The following NALCN variants were observed in gnomAD, a reference collection of about 807,000 sequenced individuals.
The protein encoded by NALCN is sodium leak channel NALCN.
NALCN carries 111 observed loss-of-function variants against 225.3 expected under a neutral mutation model. That is an observed-to-expected ratio of 0.49 (90% CI 0.42 to 0.58). The LOEUF (loss-of-function observed/expected upper bound fraction) is 0.58, where lower values mean the gene tolerates loss of function less well. Ranked by LOEUF, NALCN falls within the 20% of genes least tolerant of loss-of-function variation. NALCN has a pLI of 0.00. For missense variants in NALCN, 1,378 were observed against 2,202.4 expected (o/e 0.63, Z 7.49); for synonymous variants, 764 against 769.0 (o/e 0.99, Z 0.11).
intron 6 of NALCN, among the ~76,000 whole-genome samples, chr13:101,376,352 T>C (rs2046688679): frequency 6.6e-6 from 1 of 151,868 alleles, no homozygotes; most frequent in Admixed American, 6.6e-5. Context: ...TCTTTAAAAA[T>C]TGGACAAAAC....
intron 15 of NALCN, among the ~76,000 whole-genome samples, chr13:101,163,886 G>C (rs147030471): frequency 6.6e-6 from 1 of 152,288 alleles, no homozygotes; most frequent in African/African-American, 2.4e-5. Flanking sequence ...GAGGTTCTGA[G>C]GGGGGTCTAC....
At chr13:101,281,983 T>A (rs1041514147) in intron 10 of NALCN, among the ~76,000 whole-genome samples, 2 of 152,124 alleles carry the variant, frequency 1.3e-5, no homozygotes, top group Non-Finnish European at 2.9e-5. Context: ...GTTACAATGG[T>A]CACCATCAAA....
At chr13:101,409,863 C>T (rs1247427516) in intron 1 of NALCN, among the ~76,000 whole-genome samples, 1 of 152,160 alleles carries the variant, frequency 6.6e-6, no homozygotes, top group East Asian at 1.9e-4. Flanking sequence ...ACATTCTCAA[C>T]ACTATAAACC....
intron 3 of NALCN, among the ~76,000 whole-genome samples, chr13:101,379,502 G>T (rs2046786382): frequency 6.6e-6 from 1 of 152,138 alleles, no homozygotes; most frequent in South Asian, 2.1e-4. Flanking sequence ...TAAAGAAAAT[G>T]TGGCCCAATA....
intron 1 of NALCN, among the ~76,000 whole-genome samples, chr13:101,410,591 G>T (rs1594798079): frequency 6.6e-6 from 1 of 152,084 alleles, no homozygotes; most frequent in East Asian, 1.9e-4. Flanking sequence ...GTTTTTGTTG[G>T]GGTTTCTGTT....
chr13:101,183,006 C>A (rs1429822229), intron 14 of NALCN, among the ~76,000 whole-genome samples: 1 of 152,204 alleles, frequency 6.6e-6, no homozygotes, highest in Non-Finnish European at 1.5e-5. Flanking sequence ...AAGAGCAGGT[C>A]GACCTGGGTG....
At chr13:101,332,372 T>TA (rs370373333) in intron 7 of NALCN, among the ~76,000 whole-genome samples, 20 of 17,380 alleles carry the variant, frequency 1.2e-3, no homozygotes, top group Admixed American at 3.9e-3. Context: ...AAAACGATGT[T>TA]AAAAAAAACC....
chr13:101,360,424 G>A (rs1400924064), intron 6 of NALCN, among the ~76,000 whole-genome samples: 1 of 151,946 alleles, frequency 6.6e-6, no homozygotes, highest in Admixed American at 6.6e-5. Context: ...GTAGAGATGG[G>A]GTTCCACCAT....
chr13:101,319,735 A>G (rs1026171557), intron 7 of NALCN, among the ~76,000 whole-genome samples: 1 of 152,204 alleles, frequency 6.6e-6, no homozygotes, highest in Non-Finnish European at 1.5e-5. Context: ...ATTTTCTTAT[A>G]TATGTATAAT....
intron 7 of NALCN, among the ~76,000 whole-genome samples, chr13:101,309,071 T>A (rs1035647172): frequency 3.9e-5 from 6 of 152,222 alleles, no homozygotes; most frequent in African/African-American, 1.4e-4. Context: ...GTTTCATGAC[T>A]AATGGTATGA....
At chr13:101,333,106 A>T (rs183880438) in intron 7 of NALCN, among the ~76,000 whole-genome samples, 1 of 152,354 alleles carries the variant, frequency 6.6e-6, no homozygotes, top group East Asian at 1.9e-4. Flanking sequence ...AGTACATCTC[A>T]TTCTTCTGCT....
intron 17 of NALCN, among the ~76,000 whole-genome samples, chr13:101,127,355 C>CTTTTG (rs766844926): frequency 1.3e-5 from 2 of 152,004 alleles, no homozygotes; most frequent in Admixed American, 1.3e-4. Flanking sequence ...TTGGGATGTT[C>CTTTTG]TTTTGTTTTG....
rs145080998 is a variant in NALCN, at chr13:101,288,461, G to A, written c.1047+3529C>T. 2.4e-4 allele frequency among the ~76,000 whole-genome samples: 36 copies of A among 152,190 alleles called. 1 individual carries two copies. The East Asian group carries it at 6.8e-3, about 29-fold the overall frequency. On this transcript the variant is annotated intron_variant, in intron 9 of 43. Transcript: ENST00000251127. ...CATTTTTTCTCTACTTTTTAACCCAGCACTGAACATTTATGCACAAGTTGC... is the reference window on the plus strand; with the variant it reads ...CATTTTTTCTCTACTTTTTAACCCAACACTGAACATTTATGCACAAGTTGC...
At chr13:101,141,122 G>C (rs1007082763) in intron 17 of NALCN, among the ~76,000 whole-genome samples, 1 of 152,108 alleles carries the variant, frequency 6.6e-6, no homozygotes, top group African/African-American at 2.4e-5. Context: ...AACAAAAATA[G>C]AGAGATGGCA....
chr13:101,199,506 G>A (rs1296332172), intron 13 of NALCN, among the ~76,000 whole-genome samples: 1 of 151,524 alleles, frequency 6.6e-6, no homozygotes, highest in Non-Finnish European at 1.5e-5. Flanking sequence ...GTAGGGACAT[G>A]GATGAAGCTG....
At chr13:101,397,026 C>G (rs2047312598) in intron 2 of NALCN, among the ~76,000 whole-genome samples, 2 of 143,786 alleles carry the variant, frequency 1.4e-5, no homozygotes, top group Non-Finnish European at 3.0e-5. Flanking sequence ...ACTTCTGACT[C>G]CTGCTTTGCA....
At chr13:101,131,904 T>G (rs2036538500) in intron 17 of NALCN, among the ~76,000 whole-genome samples, 1 of 152,176 alleles carries the variant, frequency 6.6e-6, no homozygotes, top group Non-Finnish European at 1.5e-5. Context: ...TTTTTCTTGT[T>G]GAATTTTAAA....
At chr13:101,078,478 C>T (rs1025056974) in intron 34 of NALCN, among the ~76,000 whole-genome samples, 2 of 152,196 alleles carry the variant, frequency 1.3e-5, no homozygotes, top group African/African-American at 2.4e-5. Flanking sequence ...AAGACAGAGT[C>T]AAAGGAGATT....
chr13:101,234,809 ACTATCTATCTACTAT>A (rs900408315), intron 12 of NALCN, among the ~76,000 whole-genome samples: 6 of 151,680 alleles, frequency 4.0e-5, no homozygotes, highest in African/African-American at 7.2e-5. Context: ...CTGTGATTTG[ACTATCTATCTACTAT>A]CTATCTATCT....
Sources: allele counts gnomAD v4.1 joint callset (sites outside exome capture counted in the v4.1 genomes callset), GRCh38; gene constraint gnomAD v4.1.1; transcripts MANE v1.5; gene names NCBI Gene and HGNC (gene_info 2026-07-23, HGNC 2026-07-21).